The following OPCML variants were observed in gnomAD, a reference collection of about 807,000 sequenced individuals.
The protein encoded by OPCML is opioid-binding protein/cell adhesion molecule.
OPCML carries 13 observed loss-of-function variants against 37.8 expected under a neutral mutation model. That is an observed-to-expected ratio of 0.34 (90% CI 0.22 to 0.55). The LOEUF is 0.55. OPCML is among the 20% of genes least tolerant of loss of function. The pLI, the probability that OPCML is intolerant of heterozygous loss-of-function variation, is 0.91. For missense variants in OPCML, 341 were observed against 435.6 expected (o/e 0.78, Z 1.93); for synonymous variants, 176 against 168.8 (o/e 1.04, Z -0.33).
chr11:132,936,106 G>A (rs780788440), intron 2 of OPCML, among the ~76,000 whole-genome samples: 13 of 152,308 alleles, frequency 8.5e-5, no homozygotes, highest in Non-Finnish European at 1.6e-4. Flanking sequence ...ACTTGAGTGC[G>A]GGTGAGGGGA....
intron 1 of OPCML, among the ~76,000 whole-genome samples, chr11:132,983,562 A>C (rs1946632734): frequency 6.6e-6 from 1 of 152,012 alleles, no homozygotes; most frequent in African/African-American, 2.4e-5. Flanking sequence ...TGTCTTATTT[A>C]CTGGGTAAGC....
chr11:132,505,204 A>G (rs2096253975), intron 4 of OPCML, among the ~76,000 whole-genome samples: 1 of 152,164 alleles, frequency 6.6e-6, no homozygotes, highest in Admixed American at 6.5e-5. Context: ...CACTTACCAC[A>G]CAGATCACAC....
chr11:132,694,326 A>G (rs1380007697), intron 2 of OPCML, among the ~76,000 whole-genome samples: 2 of 150,932 alleles, frequency 1.3e-5, no homozygotes. Flanking sequence ...AGCCTCCCAA[A>G]TAGCTGGGAC....
Position 132,773,850 on chromosome 11 carries a change from C to G in OPCML, c.147-116531G>C, listed in dbSNP as rs376973002. Among the ~76,000 whole-genome samples the G allele has an allele frequency of 8.5e-5, 13 of 152,220 alleles. 1 individual carries two copies. The South Asian group carries it at 2.1e-3, about 24-fold the overall frequency. On this transcript the variant is annotated intron_variant, in intron 2 of 7. Coordinates refer to ENST00000524381, the MANE Select transcript of OPCML (RefSeq NM_001012393.5). ...ATGTCCCACAATGGGTTAAGTGATTCCACTGAGCCTAAACATACTTAGAAA... is the reference window on the plus strand; with the variant it reads ...ATGTCCCACAATGGGTTAAGTGATTGCACTGAGCCTAAACATACTTAGAAA...
At chr11:133,141,567 G>T (rs928354978) in intron 1 of OPCML, among the ~76,000 whole-genome samples, 2 of 152,006 alleles carry the variant, frequency 1.3e-5, no homozygotes, top group South Asian at 2.1e-4. Context: ...CATAACTGTC[G>T]CTTTCACACA....
At chr11:133,053,835 CCTCTT>C (rs1948174749) in intron 1 of OPCML, among the ~76,000 whole-genome samples, 1 of 152,092 alleles carries the variant, frequency 6.6e-6, no homozygotes, top group African/African-American at 2.4e-5. Flanking sequence ...ATTCCCAATC[CCTCTT>C]CTCAAGTCCT....
rs1180330431 is a variant in OPCML, at chr11:132,452,556, TTTTCCTTCCTTCCTGCCTGCCTTCCTAC to T, written c.506-15225_506-15198del. The stretch of plus-strand genomic sequence containing the variant: ...GCCTGCCTGCCTGCCTGCCTTCCTT[TTTTCCTTCCTTCCTGCCTGCCTTCCTAC>T]TTTCCTTCCTTCCTGCCTGCCTTCC... On this transcript the variant is annotated intron_variant, in intron 4 of 7. Coordinates refer to ENST00000524381, the MANE Select transcript of OPCML (RefSeq NM_001012393.5). Among the ~76,000 whole-genome samples the T allele has an allele frequency of 1.6e-4, 24 of 146,878 alleles. No individual in the cohort carries two copies. In the South Asian group the frequency reaches 1.8e-3, roughly 11 times the overall value.
chr11:133,479,676 G>T (rs1947332098), intron 1 of OPCML, among the ~76,000 whole-genome samples: 1 of 152,116 alleles, frequency 6.6e-6, no homozygotes, highest in Non-Finnish European at 1.5e-5. Flanking sequence ...TGTTGAGTGG[G>T]GTCCTCACCC....
intron 1 of OPCML, among the ~76,000 whole-genome samples, chr11:133,521,386 G>A (rs756411315): frequency 6.6e-6 from 1 of 152,114 alleles, no homozygotes; most frequent in Non-Finnish European, 1.5e-5. Flanking sequence ...CTAATTGTTT[G>A]CTTTAAAAAT....
chr11:132,990,356 A>G (rs1328308861), intron 1 of OPCML, among the ~76,000 whole-genome samples: 1 of 152,248 alleles, frequency 6.6e-6, no homozygotes, highest in Non-Finnish European at 1.5e-5. Context: ...AATCTCAGCC[A>G]TCTCCTCTCT....
intron 1 of OPCML, among the ~76,000 whole-genome samples, chr11:132,948,610 G>A (rs1945795840): frequency 6.6e-6 from 1 of 152,170 alleles, no homozygotes; most frequent in Non-Finnish European, 1.5e-5. Context: ...CTAGCCCTAG[G>A]AGGGACAGTC....
chr11:132,444,754 T>G (rs1209995402), intron 4 of OPCML, among the ~76,000 whole-genome samples: 1 of 152,068 alleles, frequency 6.6e-6, no homozygotes, highest in African/African-American at 2.4e-5. Context: ...CTCCAATCCT[T>G]GACTCTCCTT....
At chr11:133,276,123 A>T (rs1941986936) in intron 1 of OPCML, among the ~76,000 whole-genome samples, 1 of 152,252 alleles carries the variant, frequency 6.6e-6, no homozygotes. Context: ...AACCATGGAA[A>T]ATATGTCTTT....
chr11:132,732,621 C>T (rs749735246), intron 2 of OPCML, among the ~76,000 whole-genome samples: 1 of 152,062 alleles, frequency 6.6e-6, no homozygotes, highest in African/African-American at 2.4e-5. Context: ...AAAGCTGGCA[C>T]CCTACAACCC....
At chr11:133,008,494 A>G (rs1947155062) in intron 1 of OPCML, 2 of 887,468 alleles carry the variant, frequency 2.3e-6, no homozygotes, top group African/African-American at 3.6e-5. Context: ...AGAAGAACGT[A>G]TTTCTCCAGG....
intron 1 of OPCML, among the ~76,000 whole-genome samples, chr11:132,975,216 A>G (rs190347869): frequency 6.6e-6 from 1 of 152,102 alleles, no homozygotes. Flanking sequence ...TAACAAATAT[A>G]ATGTAATGAT....
At chr11:133,136,300 G>T (rs1429134021) in intron 1 of OPCML, among the ~76,000 whole-genome samples, 1 of 152,170 alleles carries the variant, frequency 6.6e-6, no homozygotes, top group South Asian at 2.1e-4. Flanking sequence ...TTTGACTGTG[G>T]TGTCTATGCC....
At chr11:133,073,612 C>T (rs1196419613) in intron 1 of OPCML, among the ~76,000 whole-genome samples, 2 of 152,208 alleles carry the variant, frequency 1.3e-5, no homozygotes, top group Non-Finnish European at 2.9e-5. Context: ...CCATTTACCC[C>T]TGAGTTCTCC....
At chr11:133,316,843 C>T (rs1565568037) in intron 1 of OPCML, among the ~76,000 whole-genome samples, 1 of 152,130 alleles carries the variant, frequency 6.6e-6, no homozygotes, top group South Asian at 2.1e-4. Context: ...AATATATTTT[C>T]AGTGTTTAAT....
Sources: allele counts gnomAD v4.1 joint callset (sites outside exome capture counted in the v4.1 genomes callset), GRCh38; gene constraint gnomAD v4.1.1; transcripts MANE v1.5; gene names NCBI Gene and HGNC (gene_info 2026-07-23, HGNC 2026-07-21).